CSMD1: variants seen among roughly 807,000 people sequenced by gnomAD.
CSMD1 encodes the protein CUB and sushi domain-containing protein 1.
Under a neutral mutation model 417.5 loss-of-function variants are expected in CSMD1, and 213 were observed. The observed-to-expected ratio is 0.51, with a 90% CI of 0.46 to 0.57. The LOEUF (loss-of-function observed/expected upper bound fraction) is 0.57, where lower values mean the gene tolerates loss of function less well. Ranked by LOEUF, CSMD1 falls within the 20% of genes least tolerant of loss-of-function variation. CSMD1 has a pLI of 0.00. For synonymous variants in CSMD1, 2,862 were observed against 1,736.8 expected (o/e 1.65, Z -16.11); for missense variants, 6,923 against 4,529.7 (o/e 1.53, Z -15.17).
At chr8:3,679,742 G>C (rs1409519602) in intron 7 of CSMD1, among the ~76,000 whole-genome samples, 2 of 152,120 alleles carry the variant, frequency 1.3e-5, no homozygotes, top group African/African-American at 2.4e-5. Flanking sequence ...ATTCTTCTCA[G>C]CATCACACCA....
intron 39 of CSMD1, among the ~76,000 whole-genome samples, chr8:3,154,953 C>CT (rs1284243963): frequency 6.6e-6 from 1 of 152,122 alleles, no homozygotes; most frequent in Non-Finnish European, 1.5e-5. Flanking sequence ...TCACTAGAAT[C>CT]TGTCTTTGAG....
intron 11 of CSMD1, among the ~76,000 whole-genome samples, chr8:3,486,324 C>T (rs576214883): frequency 2.1e-4 from 32 of 152,244 alleles, no homozygotes; most frequent in African/African-American, 7.7e-4. Context: ...GGGTAAAAGG[C>T]ACAAGAGAGG....
At chr8:4,094,544 G>C (rs182855627) in intron 3 of CSMD1, among the ~76,000 whole-genome samples, 3 of 152,324 alleles carry the variant, frequency 2.0e-5, no homozygotes, top group Admixed American at 1.3e-4. Context: ...GCTTCAGTGG[G>C]AGATTCTTGT....
Position 4,446,413 on chromosome 8 carries a change from T to C in CSMD1, c.303-26348A>G, listed in dbSNP as rs919145293. On this transcript the variant is annotated intron_variant, in intron 2 of 69. Transcript: ENST00000635120. ...AACAAACAAAAGTAGCCATGGGTGG[T>C]GGTGCACACCTGTAGTCCCCGCTAC... is the stretch of plus-strand genomic sequence containing the variant. 2.0e-5 allele frequency among the ~76,000 whole-genome samples: 3 copies of C among 152,102 alleles called. No individual in the cohort carries two copies. In the South Asian group the frequency reaches 6.2e-4, roughly 32 times the overall value.
intron 4 of CSMD1, among the ~76,000 whole-genome samples, chr8:4,000,149 G>C (rs1221380839): frequency 6.6e-6 from 1 of 151,820 alleles, no homozygotes; most frequent in African/African-American, 2.4e-5. Context: ...CACTTCCCTG[G>C]TCAACTGAGA....
At chr8:3,690,373 A>C (rs1800174482) in intron 7 of CSMD1, among the ~76,000 whole-genome samples, 2 of 152,210 alleles carry the variant, frequency 1.3e-5, no homozygotes, top group Admixed American at 1.3e-4. Context: ...AACAAAACAA[A>C]AATTACCTGA....
intron 3 of CSMD1, among the ~76,000 whole-genome samples, chr8:4,225,265 A>C (rs989953156): frequency 1.4e-4 from 22 of 152,202 alleles, no homozygotes; most frequent in Non-Finnish European, 2.5e-4. Context: ...TTTTCTTCAA[A>C]ATAGAAAAAA....
intron 38 of CSMD1, among the ~76,000 whole-genome samples, chr8:3,160,824 T>A (rs1226009423): frequency 6.6e-6 from 1 of 152,214 alleles, no homozygotes; most frequent in Non-Finnish European, 1.5e-5. Context: ...AGATTTTGTA[T>A]ATAAAGCACT....
chr8:3,253,606 T>C (rs1457822957), intron 26 of CSMD1, among the ~76,000 whole-genome samples: 1 of 152,222 alleles, frequency 6.6e-6, no homozygotes, highest in Non-Finnish European at 1.5e-5. Context: ...GTCTCATTGA[T>C]CTGTCTAAAG....
chr8:4,219,972 T>C (rs182855260), intron 3 of CSMD1, among the ~76,000 whole-genome samples: 186 of 152,192 alleles, frequency 1.2e-3, no homozygotes, highest in African/African-American at 4.2e-3. Flanking sequence ...TTTTTTGAAA[T>C]GGAGTCTCAC....
chr8:4,205,143 A>C (rs1173746776), intron 3 of CSMD1, among the ~76,000 whole-genome samples: 1 of 152,170 alleles, frequency 6.6e-6, no homozygotes, highest in East Asian at 1.9e-4. Flanking sequence ...ACTCTGTTGA[A>C]TGAAATTGTT....
intron 3 of CSMD1, among the ~76,000 whole-genome samples, chr8:4,369,894 A>G (rs908313961): frequency 3.3e-5 from 5 of 152,178 alleles, no homozygotes; most frequent in Non-Finnish European, 5.9e-5. Flanking sequence ...CCAACTTTCC[A>G]TTTGGGTAAA....
At chr8:3,428,128 G>T (rs1039189332) in intron 12 of CSMD1, among the ~76,000 whole-genome samples, 1 of 152,304 alleles carries the variant, frequency 6.6e-6, no homozygotes, top group East Asian at 1.9e-4. Flanking sequence ...TTAAATAGAT[G>T]TTAAATTATT....
chr8:4,208,924 T>C (rs1174593464), intron 3 of CSMD1, among the ~76,000 whole-genome samples: 2 of 152,148 alleles, frequency 1.3e-5, no homozygotes, highest in African/African-American at 2.4e-5. Context: ...CCTGTAGACA[T>C]AACAGATAAA....
At chr8:3,254,012 C>G (rs933954877) in intron 26 of CSMD1, among the ~76,000 whole-genome samples, 1 of 152,148 alleles carries the variant, frequency 6.6e-6, no homozygotes, top group Non-Finnish European at 1.5e-5. Context: ...GTGGCTGGTA[C>G]TAGTTGTTCC....
At chr8:3,361,465 AAAAAT>A (rs747314753) in intron 20 of CSMD1, among the ~76,000 whole-genome samples, 1 of 151,850 alleles carries the variant, frequency 6.6e-6, no homozygotes, top group African/African-American at 2.4e-5. Flanking sequence ...TGTCTTTACT[AAAAAT>A]AAAATAAAAT....
chr8:4,236,003 G>A, intron 3 of CSMD1, among the ~76,000 whole-genome samples: 1 of 146,426 alleles, frequency 6.8e-6, no homozygotes, highest in East Asian at 2.0e-4. Flanking sequence ...TAATCACTGT[G>A]AGCAAAGAGG....
intron 3 of CSMD1, among the ~76,000 whole-genome samples, chr8:4,104,721 A>G (rs1801481119): frequency 6.6e-6 from 1 of 152,234 alleles, no homozygotes; most frequent in South Asian, 2.1e-4. Context: ...AACAGTCCCA[A>G]GAGGAACTAG....
At chr8:3,833,556 G>A (rs1034047751) in intron 5 of CSMD1, among the ~76,000 whole-genome samples, 4 of 151,866 alleles carry the variant, frequency 2.6e-5, no homozygotes, top group African/African-American at 9.7e-5. Flanking sequence ...TGTGTCCTAA[G>A]TGGTAATCAA....
Sources: gnomAD v4.1 joint callset for allele counts (sites outside exome capture counted in the v4.1 genomes callset) on GRCh38, gnomAD v4.1.1 for gene constraint, MANE v1.5 for transcripts, NCBI Gene and HGNC (gene_info 2026-07-23, HGNC 2026-07-21) for gene names.